Variants in GRIK4 observed in about 807,000 individuals in gnomAD.
GRIK4 encodes the protein glutamate receptor ionotropic, kainate 4.
GRIK4 carries 40 observed loss-of-function variants against 104.9 expected under a neutral mutation model. The observed-to-expected ratio is 0.38, with a 90% CI of 0.30 to 0.50. GRIK4 has a LOEUF of 0.50. Ranked by LOEUF, GRIK4 falls within the 20% of genes least tolerant of loss-of-function variation. GRIK4 has a pLI of 0.93. For synonymous variants in GRIK4, 485 were observed against 524.9 expected (o/e 0.92, Z 1.04); for missense variants, 1,047 against 1,308.1 (o/e 0.80, Z 3.08).
At chr11:120,823,123 C>T (rs1366624932) in intron 6 of GRIK4, among the ~76,000 whole-genome samples, 2 of 152,180 alleles carry the variant, frequency 1.3e-5, no homozygotes, top group African/African-American at 2.4e-5. Flanking sequence ...AGAGGGTATC[C>T]GCAAATGTCT....
intron 3 of GRIK4, among the ~76,000 whole-genome samples, chr11:120,699,886 C>T (rs12293509): frequency 0.089 from 13,535 of 152,228 alleles, 652 homozygotes; most frequent in South Asian, 0.13. Context: ...GCAAGGGCCG[C>T]AGCAGCAGGA....
Position 120,957,625 on chromosome 11 carries a change from G to GTGTGTGTGTGTGTGTGTGTGTGTGTGTA in GRIK4, c.1874+673_1874+674insGTGTGTGTGTGTGTGTGTGTGTGTGTAT, listed in dbSNP as rs375508071. Among the ~76,000 whole-genome samples, 243 of 144,594 alleles carry GTGTGTGTGTGTGTGTGTGTGTGTGTGTA rather than the reference G, an allele frequency of 1.7e-3. 3 individuals are homozygous for GTGTGTGTGTGTGTGTGTGTGTGTGTGTA. Among genetic ancestry groups the GTGTGTGTGTGTGTGTGTGTGTGTGTGTA allele is most frequent in the East Asian group, 7.2e-3 (33 of 4,558 alleles). 94.9% of individuals were successfully genotyped at this position (144,594 alleles called of 152,430 possible). ...TGTGTGTGTGTGTGTGTGTGTGTGTGTAGCCTAGAGAGGCAAGTTTGCAGA... is the reference window on the plus strand; with the variant it reads ...TGTGTGTGTGTGTGTGTGTGTGTGTGTGTGTGTGTGTGTGTGTGTGTGTGTGTATAGCCTAGAGAGGCAAGTTTGCAGA... On this transcript the variant is annotated intron_variant, in intron 16 of 20. Coordinates refer to ENST00000527524, the MANE Select transcript of GRIK4 (RefSeq NM_014619.5).
chr11:120,535,904 G>C (rs960589457), intron 1 of GRIK4, among the ~76,000 whole-genome samples: 2 of 152,184 alleles, frequency 1.3e-5, no homozygotes, highest in Non-Finnish European at 2.9e-5. Flanking sequence ...TCCAGGGTAG[G>C]TATACACGTG....
At chr11:120,932,548 C>T (rs1204908335) in intron 13 of GRIK4, among the ~76,000 whole-genome samples, 1 of 152,210 alleles carries the variant, frequency 6.6e-6, no homozygotes, top group Admixed American at 6.5e-5. Context: ...CTCATTTTCA[C>T]AGCCTCAGGC....
intron 18 of GRIK4, among the ~76,000 whole-genome samples, chr11:120,966,283 T>A (rs1944382185): frequency 6.6e-6 from 1 of 152,194 alleles, no homozygotes; most frequent in South Asian, 2.1e-4. Flanking sequence ...CACTCTGGGG[T>A]GGCTCTTCTC....
intron 1 of GRIK4, among the ~76,000 whole-genome samples, chr11:120,536,308 C>A (rs565317630): frequency 6.6e-6 from 1 of 152,296 alleles, no homozygotes; most frequent in African/African-American, 2.4e-5. Flanking sequence ...AAGTTGGGCC[C>A]AAACCACCTC....
intron 1 of GRIK4, among the ~76,000 whole-genome samples, chr11:120,649,021 G>C (rs1392005885): frequency 6.6e-6 from 1 of 152,220 alleles, no homozygotes; most frequent in East Asian, 1.9e-4. Flanking sequence ...GCCCCAAGCA[G>C]ATGGGAGTCA....
At chr11:120,770,272 A>G (rs1339709713) in intron 3 of GRIK4, among the ~76,000 whole-genome samples, 1 of 152,250 alleles carries the variant, frequency 6.6e-6, no homozygotes, top group Non-Finnish European at 1.5e-5. Context: ...TGATGGTGGC[A>G]TGATAAAATT....
intron 13 of GRIK4, among the ~76,000 whole-genome samples, chr11:120,929,595 T>A (rs952846630): frequency 6.6e-5 from 10 of 152,160 alleles, no homozygotes; most frequent in Non-Finnish European, 1.3e-4. Context: ...TGGGGAGAAT[T>A]GGGAAGCAGC....
chr11:120,764,597 G>GTTTTTGT (rs1555057584), intron 3 of GRIK4, among the ~76,000 whole-genome samples: 3,151 of 104,904 alleles, frequency 0.03, 104 homozygotes, highest in African/African-American at 0.13. Flanking sequence ...TTTTGTTTTT[G>GTTTTTGT]TTTTTTTTTT....
At chr11:120,729,231 A>C (rs1251903920) in intron 3 of GRIK4, among the ~76,000 whole-genome samples, 1 of 152,232 alleles carries the variant, frequency 6.6e-6, no homozygotes, top group East Asian at 1.9e-4. Context: ...ATGGGAGTGC[A>C]GATATCTCTT....
intron 3 of GRIK4, among the ~76,000 whole-genome samples, chr11:120,744,319 CCTGGACG>C (rs1268842018): frequency 1.3e-5 from 2 of 152,128 alleles, no homozygotes; most frequent in African/African-American, 4.8e-5. Flanking sequence ...TCCCCCCGGG[CCTGGACG>C]CTGGGCACAG....
intron 1 of GRIK4, among the ~76,000 whole-genome samples, chr11:120,613,404 A>G (rs1039722641): frequency 6.6e-6 from 1 of 152,134 alleles, no homozygotes; most frequent in African/African-American, 2.4e-5. Context: ...TAATTAGCTG[A>G]TGTTGATAAG....
At chr11:120,896,536 G>A (rs1323291643) in intron 11 of GRIK4, among the ~76,000 whole-genome samples, 3 of 152,188 alleles carry the variant, frequency 2.0e-5, no homozygotes, top group African/African-American at 4.8e-5. Flanking sequence ...AGGCCCAACT[G>A]TAGAGACCAT....
At chr11:120,670,166 G>A (rs886826468) in intron 3 of GRIK4, among the ~76,000 whole-genome samples, 13 of 152,048 alleles carry the variant, frequency 8.5e-5, no homozygotes, top group Non-Finnish European at 1.8e-4. Flanking sequence ...ACCCAACTGC[G>A]TCTCACCACC....
intron 15 of GRIK4, among the ~76,000 whole-genome samples, chr11:120,955,198 G>A (rs753594814): frequency 1.3e-5 from 2 of 152,226 alleles, no homozygotes; most frequent in African/African-American, 2.4e-5. Context: ...TATCTTTGAA[G>A]TTCTGCAGAT....
intron 3 of GRIK4, among the ~76,000 whole-genome samples, chr11:120,690,562 C>T (rs1358702402): frequency 1.3e-5 from 2 of 152,220 alleles, no homozygotes; most frequent in Non-Finnish European, 2.9e-5. Flanking sequence ...AGCCAGGGCC[C>T]TACCTGTCAT....
intron 3 of GRIK4, among the ~76,000 whole-genome samples, chr11:120,755,325 G>C (rs751023470): frequency 6.6e-6 from 1 of 152,138 alleles, no homozygotes; most frequent in Non-Finnish European, 1.5e-5. Flanking sequence ...TGTTTAAAAA[G>C]CATTTACTCG....
At chr11:120,556,380 C>T (rs574057478) in intron 1 of GRIK4, among the ~76,000 whole-genome samples, 14 of 152,202 alleles carry the variant, frequency 9.2e-5, no homozygotes, top group Non-Finnish European at 1.9e-4. Flanking sequence ...TCCACTCCCC[C>T]AGTCTGTTCT....
Sources: gnomAD v4.1 joint callset for allele counts (sites outside exome capture counted in the v4.1 genomes callset) on GRCh38, gnomAD v4.1.1 for gene constraint, MANE v1.5 for transcripts, NCBI Gene and HGNC (gene_info 2026-07-23, HGNC 2026-07-21) for gene names.